POU6F2: variants seen among roughly 807,000 people sequenced by gnomAD.
POU6F2 encodes the protein POU class 6 homeobox 2.
POU6F2 carries 31 observed loss-of-function variants against 71.3 expected under a neutral mutation model. The ratio of observed to expected loss-of-function variants is 0.43; its 90% CI spans 0.33 to 0.59. POU6F2 has a LOEUF of 0.59. Ranked by LOEUF, POU6F2 falls within the 20% of genes least tolerant of loss-of-function variation. The pLI, the probability that POU6F2 is intolerant of heterozygous loss-of-function variation, is 0.04. For synonymous variants in POU6F2, 347 were observed against 355.7 expected, an observed-to-expected ratio of 0.98 and a Z score of 0.27; for missense variants, 783 against 856.8, an observed-to-expected ratio of 0.91 and a Z score of 1.07.
intron 1 of POU6F2, chr7:39,001,935 AT>A (rs1788926691): frequency 6.6e-6 from 1 of 152,160 alleles, no homozygotes; most frequent in African/African-American, 2.4e-5. Context: ...TGTGGTGGTG[AT>A]AGTCATGGTG....
chr7:39,005,615 G>T (rs1361780179), intron 1 of POU6F2, among the ~76,000 whole-genome samples: 1 of 70,806 alleles, frequency 1.4e-5, no homozygotes, highest in Non-Finnish European at 2.7e-5. Context: ...TGCCGTCAAA[G>T]AGGTTTTTGT....
intron 5 of POU6F2, among the ~76,000 whole-genome samples, chr7:39,361,430 G>A (rs193268996): frequency 2.5e-4 from 38 of 152,230 alleles, no homozygotes; most frequent in African/African-American, 7.0e-4. Flanking sequence ...ATTAGAATCC[G>A]TCAGTTTGAC....
At chr7:39,070,275 T>C (rs1405161903) in intron 1 of POU6F2, among the ~76,000 whole-genome samples, 1 of 152,188 alleles carries the variant, frequency 6.6e-6, no homozygotes, top group Non-Finnish European at 1.5e-5. Flanking sequence ...TTTTCCCTAG[T>C]TCTATGAGAA....
chr7:39,004,699 A>G (rs1019908924), intron 1 of POU6F2, among the ~76,000 whole-genome samples: 6 of 152,204 alleles, frequency 3.9e-5, no homozygotes, highest in Non-Finnish European at 7.3e-5. Flanking sequence ...CATGAATGAT[A>G]CTTGTCTGGG....
intron 4 of POU6F2, among the ~76,000 whole-genome samples, chr7:39,224,309 G>A (rs561829941): frequency 1.1e-4 from 17 of 151,502 alleles, no homozygotes; most frequent in African/African-American, 3.1e-4. Flanking sequence ...TTCCAACTGC[G>A]AAAGCCTGGC....
intron 2 of POU6F2, among the ~76,000 whole-genome samples, chr7:39,202,469 T>C (rs948833364): frequency 1.3e-5 from 2 of 152,228 alleles, no homozygotes; most frequent in Non-Finnish European, 2.9e-5. Flanking sequence ...TTTAAAAAAT[T>C]GTGCATTTTT....
intron 5 of POU6F2, among the ~76,000 whole-genome samples, chr7:39,362,715 AACTTAC>A (rs1786415330): frequency 6.6e-6 from 1 of 152,208 alleles, no homozygotes; most frequent in African/African-American, 2.4e-5. Flanking sequence ...AAACACTGAT[AACTTAC>A]ATGGGGGGAA....
chr7:38,988,951 C>T (rs1417751661), intron 1 of POU6F2, among the ~76,000 whole-genome samples: 1 of 152,128 alleles, frequency 6.6e-6, no homozygotes, highest in Non-Finnish European at 1.5e-5. Context: ...TCCTTCCTTT[C>T]CTCTTTTTCC....
At chr7:39,253,912 A>C (rs1240206840) in intron 4 of POU6F2, among the ~76,000 whole-genome samples, 2 of 152,174 alleles carry the variant, frequency 1.3e-5, no homozygotes, top group Non-Finnish European at 2.9e-5. Context: ...ATCTGGGCTA[A>C]ACTTTATCTT....
At chr7:39,245,090 G>C (rs1202544258) in intron 4 of POU6F2, among the ~76,000 whole-genome samples, 1 of 152,184 alleles carries the variant, frequency 6.6e-6, no homozygotes, top group East Asian at 1.9e-4. Flanking sequence ...AATTAGCGAA[G>C]TTAAGGATTT....
rs185060277 is a variant in POU6F2, at chr7:39,346,740, A to G, written c.972+6725A>G. 1.6e-4 allele frequency among the ~76,000 whole-genome samples: 24 copies of G among 152,354 alleles called. No individual in the cohort carries two copies. In the East Asian group the frequency reaches 4.6e-3, roughly 29 times the overall value. ...GCTTGGCCAGTATTTATGTGAACTT[A>G]ATACAATATTCTACTGCTTTCATGA... On this transcript the variant is annotated intron_variant, in intron 5 of 9. Transcript: ENST00000518318.
At chr7:39,191,693 G>A (rs979719294) in intron 2 of POU6F2, among the ~76,000 whole-genome samples, 1 of 152,284 alleles carries the variant, frequency 6.6e-6, no homozygotes, top group African/African-American at 2.4e-5. Context: ...ATAATCTTCA[G>A]AACAAGAGGA....
chr7:39,030,272 C>T (rs1484445919), intron 1 of POU6F2, among the ~76,000 whole-genome samples: 1 of 151,110 alleles, frequency 6.6e-6, no homozygotes, highest in Non-Finnish European at 1.5e-5. Context: ...GGAAATTGCC[C>T]ATTTTGATCA....
intron 2 of POU6F2, among the ~76,000 whole-genome samples, chr7:39,087,147 AATTAATTAATTAATTTATTT>A (rs1286317628): frequency 3.7e-4 from 22 of 58,750 alleles, no homozygotes; most frequent in South Asian, 3.5e-3. Flanking sequence ...AGGCTTTATT[AATTAATTAATTAATTTATTT>A]ATTTATTTAT....
chr7:39,156,538 T>G (rs1792873392), intron 2 of POU6F2, among the ~76,000 whole-genome samples: 1 of 152,144 alleles, frequency 6.6e-6, no homozygotes, highest in African/African-American at 2.4e-5. Context: ...AAGCCAGAAA[T>G]TTGAGAGATA....
intron 1 of POU6F2, among the ~76,000 whole-genome samples, chr7:39,028,484 T>C (rs569450461): frequency 1.3e-5 from 2 of 152,292 alleles, no homozygotes; most frequent in Admixed American, 6.5e-5. Context: ...ATAAAGGTCC[T>C]GATATCTGGT....
chr7:39,223,764 C>G (rs1383270870), intron 4 of POU6F2, among the ~76,000 whole-genome samples: 1 of 152,108 alleles, frequency 6.6e-6, no homozygotes. Context: ...CATGCTTTAG[C>G]CTAGTGGGAG....
chr7:38,983,832 C>A (rs1322348764), intron 1 of POU6F2, among the ~76,000 whole-genome samples: 1 of 151,958 alleles, frequency 6.6e-6, no homozygotes, highest in African/African-American at 2.4e-5. Flanking sequence ...TAAGTAATAG[C>A]AAAATAATTG....
At chr7:38,994,161 C>T (rs535631495) in intron 1 of POU6F2, among the ~76,000 whole-genome samples, 1 of 152,238 alleles carries the variant, frequency 6.6e-6, no homozygotes, top group African/African-American at 2.4e-5. Flanking sequence ...AGAGTGCTAC[C>T]TGATGTGCCT....
Sources: allele counts gnomAD v4.1 joint callset (sites outside exome capture counted in the v4.1 genomes callset), GRCh38; gene constraint gnomAD v4.1.1; transcripts MANE v1.5; gene names NCBI Gene and HGNC (gene_info 2026-07-23, HGNC 2026-07-21).